Variants in RNF144B observed in about 807,000 individuals in gnomAD.
RNF144B encodes the protein ring finger protein 144B.
In RNF144B, 25 loss-of-function variants were observed where a neutral mutation model predicts 40.2. The observed-to-expected ratio is 0.62, with a 90% CI of 0.45 to 0.87. The LOEUF is 0.87. Among genes scored for constraint, RNF144B ranks in the 40% least tolerant of loss-of-function variants. RNF144B has a pLI of 0.00. For missense variants in RNF144B, 365 were observed against 373.7 expected (o/e 0.98, Z 0.19); for synonymous variants, 145 against 136.3 (o/e 1.06, Z -0.44).
At position 18,460,611 on chromosome 6, in the gene RNF144B, T is replaced by C. The variant is rs111399999; in HGVS notation, c.681+860T>C. 1.5e-3 allele frequency among the ~76,000 whole-genome samples: 233 copies of C among 152,262 alleles called. 1 individual carries two copies. The highest frequency in any genetic ancestry group is 5.3e-3 in the African/African-American group (222 of 41,548). The stretch of plus-strand genomic sequence containing the variant: ...CTCTCTTCTCTCCCTCATGCTCTCT[T>C]GCATGCTCTCACTCGCTCTCTCTCT... On this transcript the variant is annotated intron_variant, in intron 6 of 7. Transcript: ENST00000259939. The surrounding 1 kb of genome is among the most constrained non-coding windows in gnomAD (Gnocchi z 4.4).
intron 2 of RNF144B, among the ~76,000 whole-genome samples, chr6:18,407,146 C>T (rs1794927320): frequency 6.6e-6 from 1 of 152,088 alleles, no homozygotes; most frequent in Non-Finnish European, 1.5e-5. Context: ...CTGATCTTAT[C>T]CAGAAACACA....
At chr6:18,461,416 T>C (rs1759452746) in intron 6 of RNF144B, among the ~76,000 whole-genome samples, 2 of 152,172 alleles carry the variant, frequency 1.3e-5, no homozygotes, top group African/African-American at 4.8e-5. Flanking sequence ...TTTTTTTTTG[T>C]TTTCCTTCAG....
chr6:18,438,529 G>A (rs1334083438), intron 3 of RNF144B, among the ~76,000 whole-genome samples: 2 of 152,076 alleles, frequency 1.3e-5, no homozygotes, highest in African/African-American at 4.8e-5. Context: ...TTGTTTTGTG[G>A]TCCTTTATAC....
Position 18,447,401 on chromosome 6 carries a change from T to C in RNF144B, c.331+7657T>C, listed in dbSNP as rs1052898571. On this transcript the variant is annotated intron_variant, in intron 4 of 7. Transcript: ENST00000259939. The surrounding 1 kb of genome is among the most constrained non-coding windows in gnomAD (Gnocchi z 5.6). ...AGTTATAGGAGGTAATTTGAAAGTG[T>C]TAGTCAAGGGCCTGATCCCATAGAT... Among the ~76,000 whole-genome samples the C allele has an allele frequency of 6.6e-6, 1 of 152,080 alleles. No homozygotes were observed. The highest frequency in any genetic ancestry group is 2.4e-5 in the African/African-American group (1 of 41,410).
Position 18,394,692 on chromosome 6 carries a change from C to G in RNF144B, c.-36-4807C>G, listed in dbSNP as rs563663477. Among the ~76,000 whole-genome samples, 36 of 152,154 alleles carry G rather than the reference C, an allele frequency of 2.4e-4. 2 individuals carry two copies. The South Asian group carries it at 7.5e-3, about 32-fold the overall frequency. On this transcript the variant is annotated intron_variant, in intron 1 of 7. Coordinates refer to ENST00000259939, the MANE Select transcript of RNF144B (RefSeq NM_182757.4). ...GCAGATTGCTTTTTCAGGCCATCAG[C>G]AGAATATGAAAATTCCTTATACATT...
At chr6:18,399,030 A>G (rs1464590571) in intron 1 of RNF144B, among the ~76,000 whole-genome samples, 1 of 152,228 alleles carries the variant, frequency 6.6e-6, no homozygotes, top group Non-Finnish European at 1.5e-5. Context: ...ATGTATATAA[A>G]TGCTTAAATC....
At chr6:18,455,631 G>T (rs1759306940) in intron 4 of RNF144B, among the ~76,000 whole-genome samples, 1 of 151,926 alleles carries the variant, frequency 6.6e-6, no homozygotes, top group South Asian at 2.1e-4. Flanking sequence ...AGAAAAAAGG[G>T]GTACTCTACC....
chr6:18,398,731 T>G lies in RNF144B; in HGVS notation c.-36-768T>G, dbSNP rs188857164. On this transcript the variant is annotated intron_variant, in intron 1 of 7. Transcript: ENST00000259939. This position sits in a 1 kb window ranked among gnomAD's most constrained non-coding sequence, Gnocchi z 5.0. ...TGATGGACACTTGGGTTGCCTCCAC[T>G]GTTTGGCTATTGTGAATAATGTTGC... 6.6e-6 allele frequency among the ~76,000 whole-genome samples: 1 copy of G among 152,274 alleles called. No individual in the cohort carries two copies. The highest frequency in any genetic ancestry group is 6.5e-5 in the Admixed American group (1 of 15,294).
At chr6:18,430,272 T>G (rs1322749529) in intron 3 of RNF144B, among the ~76,000 whole-genome samples, 1 of 152,206 alleles carries the variant, frequency 6.6e-6, no homozygotes, top group Non-Finnish European at 1.5e-5. Flanking sequence ...CAGCACAGAA[T>G]AAAATACTTC....
At chr6:18,455,913 T>TTTTTGTTTTTTTTG (rs1319726152) in intron 4 of RNF144B, among the ~76,000 whole-genome samples, 1 of 151,966 alleles carries the variant, frequency 6.6e-6, no homozygotes, top group Non-Finnish European at 1.5e-5. Flanking sequence ...TTGTTTTTTG[T>TTTTTGTTTTTTTTG]TTTTGTTTTT....
chr6:18,457,023 T>C lies in RNF144B; in HGVS notation c.332-132T>C. 1 of 774,312 alleles carries C rather than the reference T, an allele frequency of 1.3e-6. No individual in the cohort carries two copies. The highest frequency in any genetic ancestry group is 2.3e-6 in the Non-Finnish European group (1 of 442,334). 48.0% of individuals were successfully genotyped at this position (774,312 alleles called of 1,614,324 possible). On this transcript the variant is annotated intron_variant, in intron 4 of 7. Coordinates refer to ENST00000259939, the MANE Select transcript of RNF144B (RefSeq NM_182757.4). This position sits in a 1 kb window ranked among gnomAD's most constrained non-coding sequence, Gnocchi z 5.1. ...TTGCAGTGAGCTGAAATCATGCCAC[T>C]GTACTCCAGCCTGGGCGACAGAGTG... is the stretch of plus-strand genomic sequence containing the variant.
rs1759126305 is a variant in RNF144B, at chr6:18,448,200, A to T, written c.331+8456A>T. Among the ~76,000 whole-genome samples the T allele has an allele frequency of 6.6e-6, 1 of 151,926 alleles. No homozygotes were observed. The highest frequency in any genetic ancestry group is 1.5e-5 in the Non-Finnish European group (1 of 67,976). On this transcript the variant is annotated intron_variant, in intron 4 of 7. Coordinates refer to ENST00000259939, the MANE Select transcript of RNF144B (RefSeq NM_182757.4). This position sits in a 1 kb window ranked among gnomAD's most constrained non-coding sequence, Gnocchi z 4.0. ...GGAACTTATGATCCAGCAGAAAGGGATGATACAGGAGAGGGAGGGGGGAGG... is the reference window on the plus strand; with the variant it reads ...GGAACTTATGATCCAGCAGAAAGGGTTGATACAGGAGAGGGAGGGGGGAGG...
intron 3 of RNF144B, among the ~76,000 whole-genome samples, chr6:18,433,868 G>A (rs962982394): frequency 6.6e-5 from 10 of 152,110 alleles, no homozygotes; most frequent in Admixed American, 2.0e-4. Flanking sequence ...CGTTCTCTGC[G>A]TTGTGAAAAC....
chr6:18,449,676 C>T (rs1162935079), intron 4 of RNF144B, among the ~76,000 whole-genome samples: 2 of 147,136 alleles, frequency 1.4e-5, no homozygotes, highest in African/African-American at 5.0e-5. Flanking sequence ...TATGTATTTA[C>T]TGTCTACAAC....
chr6:18,415,768 A>G (rs1181998309), intron 2 of RNF144B, among the ~76,000 whole-genome samples: 2 of 151,882 alleles, frequency 1.3e-5, no homozygotes, highest in Non-Finnish European at 2.9e-5. Flanking sequence ...GAATGGTTAT[A>G]TTTTATTCAG....
At chr6:18,393,103 G>A (rs529154874) in intron 1 of RNF144B, among the ~76,000 whole-genome samples, 23 of 142,462 alleles carry the variant, frequency 1.6e-4, no homozygotes, top group African/African-American at 5.0e-4. Flanking sequence ...CCTGGAGACA[G>A]AGTGAGACTC....
At chr6:18,455,928 T>G (rs994867889) in intron 4 of RNF144B, among the ~76,000 whole-genome samples, 8 of 152,018 alleles carry the variant, frequency 5.3e-5, no homozygotes, top group Admixed American at 2.6e-4. Context: ...GTTTTTTTTG[T>G]TTTGTTTTTT....
At chr6:18,430,461 T>G (rs1240391066) in intron 3 of RNF144B, among the ~76,000 whole-genome samples, 1 of 147,528 alleles carries the variant, frequency 6.8e-6, no homozygotes, top group African/African-American at 2.5e-5. Context: ...AGTCTTCTCA[T>G]TTTCTTTTTT....
Position 18,448,986 on chromosome 6 carries a change from G to C in RNF144B, c.332-8169G>C, listed in dbSNP as rs1759148126. Among the ~76,000 whole-genome samples, 2 of 152,162 alleles carry C rather than the reference G, an allele frequency of 1.3e-5. No individual in the cohort carries two copies. Among genetic ancestry groups the C allele is most frequent in the Admixed American group, 6.5e-5 (1 of 15,274 alleles). On this transcript the variant is annotated intron_variant, in intron 4 of 7. Coordinates refer to ENST00000259939, the MANE Select transcript of RNF144B (RefSeq NM_182757.4). This position sits in a 1 kb window ranked among gnomAD's most constrained non-coding sequence, Gnocchi z 4.0. ...CTTCATGTCAGGCACTGTGTTAAGT[G>C]TCTCGTTTACAGTGTCTATTCAATC...
Sources: allele counts gnomAD v4.1 joint callset (sites outside exome capture counted in the v4.1 genomes callset), GRCh38; gene constraint gnomAD v4.1.1; non-coding constraint Gnocchi (gnomAD v3.1); transcripts MANE v1.5; gene names NCBI Gene and HGNC (gene_info 2026-07-23, HGNC 2026-07-21).